The following SH3TC2 variants were observed in gnomAD, a reference collection of about 807,000 sequenced individuals.
The protein encoded by SH3TC2 is SH3 domain and tetratricopeptide repeat-containing protein 2.
SH3TC2 carries 87 observed loss-of-function variants against 124.5 expected under a neutral mutation model. That is an observed-to-expected ratio of 0.70 (90% CI 0.59 to 0.84). The LOEUF is 0.84. Ranked by LOEUF, SH3TC2 falls within the 40% of genes least tolerant of loss-of-function variation. The pLI is 0.00. For synonymous variants in SH3TC2, 634 were observed against 628.5 expected (o/e 1.01, Z -0.13); for missense variants, 1,536 against 1,566.4 (o/e 0.98, Z 0.33).
At position 149,028,164 on chromosome 5, in the gene SH3TC2, A is replaced by G. The variant is rs924888736; in HGVS notation, c.1568T>C (p.Met523Thr). ...ASRKWAKKSHMTWAHARLCFL... is the reference protein window; with the variant it reads ...ASRKWAKKSHTTWAHARLCFL... ...GCAGAGACGGGCATGGGCCCAGGTC[A>G]TGTGGCTCTTCTTGGCCCACTTTCT... The change falls in exon 11 of 17, where the codon ATG (methionine) becomes ACG (threonine). Residue 523 changes from methionine to threonine, a missense_variant. Physicochemically the swap from Met to Thr is moderately conservative, Grantham distance 81. Transcript: ENST00000515425. 10 of 1,614,120 alleles carry G rather than the reference A, an allele frequency of 6.2e-6. No homozygotes were observed. Among genetic ancestry groups the G allele is most frequent in the Non-Finnish European group, 8.5e-6 (10 of 1,180,028 alleles).
chr5:149,040,708 C>G lies in SH3TC2; in HGVS notation c.732-31G>C, dbSNP rs757804186. The G allele has an allele frequency of 2.5e-6, 4 of 1,594,010 alleles. No individual in the cohort carries two copies. The Admixed American group carries it at 6.7e-5, about 27-fold the overall frequency. On this transcript the variant is annotated intron_variant, in intron 6 of 16. Transcript: ENST00000515425. ...AATGAAAACATGGGGTTTGCAAACA[C>G]AGATTTCAAAAAATTGCAACAATGA...
intron 12 of SH3TC2, 88 bp downstream of exon 12, chr5:149,026,484 C>T: frequency 3.3e-6 from 5 of 1,523,970 alleles, no homozygotes; most frequent in Non-Finnish European, 1.8e-6. Flanking sequence ...ATACCATGTA[C>T]ATTTGGACTT....
chr5:149,061,348 G>C (rs186050064), intron 1 of SH3TC2, among the ~76,000 whole-genome samples: 5 of 152,272 alleles, frequency 3.3e-5, no homozygotes, highest in African/African-American at 7.2e-5. Context: ...AACATGAGCA[G>C]AGCTCTCTGA....
chr5:149,049,548 C>T (rs1754521999), intron 2 of SH3TC2, among the ~76,000 whole-genome samples: 1 of 152,092 alleles, frequency 6.6e-6, no homozygotes, highest in Admixed American at 6.5e-5. Context: ...AGGAGGAGCA[C>T]TTAAGCTCAG....
Position 148,991,968 on chromosome 5 carries a change from G to A in SH3TC2, c.*12743C>T, listed in dbSNP as rs574992954. ...AGAGAGCAACCCTAACATGTGTTGGGTGACCATGGGTAAGGCTTTCCCTTT... is the reference window on the plus strand; with the variant it reads ...AGAGAGCAACCCTAACATGTGTTGGATGACCATGGGTAAGGCTTTCCCTTT... On this transcript the variant is annotated 3_prime_UTR_variant, in exon 17 of 17. Transcript: ENST00000515425. Among the ~76,000 whole-genome samples, 1 of 152,264 alleles carries A rather than the reference G, an allele frequency of 6.6e-6. No individual in the cohort carries two copies. The highest frequency in any genetic ancestry group is 2.1e-4 in the South Asian group (1 of 4,824).
rs1352522910 is a variant in SH3TC2 at position 149,002,033 on chromosome 5, GTA to G, written c.*2676_*2677del. On this transcript the variant is annotated 3_prime_UTR_variant, in exon 17 of 17. Coordinates refer to ENST00000515425, the MANE Select transcript of SH3TC2 (RefSeq NM_024577.4). ...CTGGGGAGAGGAAGAATCAAATTAAGTATAGTAACATCCCTCTGTACTCTTCA... is the reference window on the plus strand; with the variant it reads ...CTGGGGAGAGGAAGAATCAAATTAAGTAGTAACATCCCTCTGTACTCTTCA... 1 of 152,608 alleles carries G rather than the reference GTA, an allele frequency of 6.6e-6. No individual in the cohort carries two copies. The highest frequency in any genetic ancestry group is 2.4e-5 in the African/African-American group (1 of 41,462). The allele number at this position is 152,608 out of a possible 1,614,324, so 9.5% of individuals were successfully genotyped here.
chr5:149,031,685 C>T lies in SH3TC2; in HGVS notation c.1004G>A (p.Ser335Asn), dbSNP rs748091035. ...ATCACTGAGAAAGGCAGAGTTCCTG[C>T]TCCTGCATCGGGGCAAAAAACACAG... ...NIDPDSYSPM[S>N]RNSAFLSDEE... The change falls in exon 9 of 17, where the codon AGC becomes AAC. Residue 335 changes from serine to asparagine, a missense_variant and splice_region_variant. This residue lies in a region of SH3TC2 where 1,102 missense variants were observed against 1,098.6 expected (regional missense o/e 1.00). Transcript: ENST00000515425. 3.1e-6 allele frequency: 5 copies of T among 1,614,110 alleles called. No homozygotes were observed. The highest frequency in any genetic ancestry group is 2.2e-5 in the East Asian group (1 of 44,866).
At position 148,996,801 on chromosome 5, in the gene SH3TC2, G is replaced by A. The variant is rs1753516258; in HGVS notation, c.*7910C>T. ...CGTGCAAGGAAGATCAAGTAGCTGA[G>A]AGTCATACAGATCATGTTTAACTAT... On this transcript the variant is annotated 3_prime_UTR_variant, in exon 17 of 17. Coordinates refer to ENST00000515425, the MANE Select transcript of SH3TC2 (RefSeq NM_024577.4). 6.6e-6 allele frequency among the ~76,000 whole-genome samples: 1 copy of A among 152,162 alleles called. No homozygotes were observed. Among genetic ancestry groups the A allele is most frequent in the South Asian group, 2.1e-4 (1 of 4,832 alleles).
chr5:149,042,803 A>G lies in SH3TC2; in HGVS notation c.420T>C (p.Phe140=). 2 of 1,614,198 alleles carry G rather than the reference A, an allele frequency of 1.2e-6. No homozygotes were observed. Among genetic ancestry groups the G allele is most frequent in the Non-Finnish European group, 1.7e-6 (2 of 1,180,026 alleles). The part of the protein sequence containing the change: ...YVSMCLEHLL[F]DHKYWLNCIL... ...TGCAGTTGAGCCAGTACTTGTGGTC[A>G]AAGAGGAGATGTTCTAGACACATGG... The change falls in exon 5 of 17, where the codon TTT becomes TTC. Residue 140 remains phenylalanine (F), a synonymous_variant. Coordinates refer to ENST00000515425, the MANE Select transcript of SH3TC2 (RefSeq NM_024577.4).
At chr5:149,031,288 G>A (rs1490315168) in intron 9 of SH3TC2, among the ~76,000 whole-genome samples, 1 of 152,160 alleles carries the variant, frequency 6.6e-6, no homozygotes, top group Non-Finnish European at 1.5e-5. Context: ...GATTAGGAGG[G>A]AAGACCCAGT....
chr5:149,026,156 G>C, intron 12 of SH3TC2: 1 of 189,112 alleles, frequency 5.3e-6, no homozygotes, highest in Non-Finnish European at 1.1e-5. Flanking sequence ...TTCTGTCCTT[G>C]GTATAACTGC....
rs541004497 is a variant in SH3TC2, at chr5:149,021,085, T to C, written c.3053+5487A>G. On this transcript the variant is annotated intron_variant, in intron 12 of 16. Coordinates refer to ENST00000515425, the MANE Select transcript of SH3TC2 (RefSeq NM_024577.4). The stretch of plus-strand genomic sequence containing the variant: ...AAAAAGAATAAAATCATGCAAAGTT[T>C]GTTTTCCCACCACAAAGAAATGAAA... 7.2e-5 allele frequency among the ~76,000 whole-genome samples: 11 copies of C among 152,284 alleles called. No homozygotes were observed. In the South Asian group the frequency reaches 2.1e-3, roughly 29 times the overall value.
rs1753339081 is a variant in SH3TC2 at position 148,986,777 on chromosome 5, A to G, written c.*17934T>C. 6.6e-6 allele frequency among the ~76,000 whole-genome samples: 1 copy of G among 152,166 alleles called. No homozygotes were observed. The highest frequency in any genetic ancestry group is 1.5e-5 in the Non-Finnish European group (1 of 68,036). ...ACCAAATGTGACGAGCCTAAATCCC[A>G]TTCCCATGCTGTAATCTCCCAGTCC... On this transcript the variant is annotated 3_prime_UTR_variant, in exon 17 of 17. Coordinates refer to ENST00000515425, the MANE Select transcript of SH3TC2 (RefSeq NM_024577.4).
chr5:149,043,794 T>G (rs1207268874), intron 4 of SH3TC2: 1 of 152,650 alleles, frequency 6.6e-6, no homozygotes, highest in Non-Finnish European at 1.5e-5. Flanking sequence ...AAGATACACC[T>G]TATGTTTTCC....
intron 1 of SH3TC2, among the ~76,000 whole-genome samples, chr5:149,055,494 G>GA (rs138389134): frequency 0.032 from 4,657 of 145,674 alleles, 289 homozygotes; most frequent in Admixed American, 0.16. Flanking sequence ...TGGCTAAAAT[G>GA]AAAAAAAAAA....
At chr5:149,041,758 T>A in intron 5 of SH3TC2, 141 bp from the exon 6 acceptor site, 1 of 891,158 alleles carries the variant, frequency 1.1e-6, no homozygotes, top group Non-Finnish European at 1.8e-6. Flanking sequence ...GGGGAGACAC[T>A]AAAAGAGGCC....
chr5:148,989,446 A>G lies in SH3TC2; in HGVS notation c.*15265T>C, dbSNP rs189204132. On this transcript the variant is annotated 3_prime_UTR_variant, in exon 17 of 17. Coordinates refer to ENST00000515425, the MANE Select transcript of SH3TC2 (RefSeq NM_024577.4). ...ACCAGCATAAATATGGCTGAGGAAT[A>G]TCTGAATTCATTCACATCCAGAAAT... Among the ~76,000 whole-genome samples, 9 of 152,346 alleles carry G rather than the reference A, an allele frequency of 5.9e-5. No homozygotes were observed. In the East Asian group the frequency reaches 1.7e-3, roughly 29 times the overall value.
At chr5:149,015,423 G>A (rs1379053796) in intron 12 of SH3TC2, among the ~76,000 whole-genome samples, 1 of 152,188 alleles carries the variant, frequency 6.6e-6, no homozygotes, top group African/African-American at 2.4e-5. Context: ...AATTCCTCCA[G>A]CCGCCACCCA....
chr5:149,062,233 A>G, intron 1 of SH3TC2: 1 of 432,208 alleles, frequency 2.3e-6, no homozygotes, highest in Non-Finnish European at 4.7e-6. Flanking sequence ...ATTTCCCCAA[A>G]GCCACCACTC....
Sources: allele counts gnomAD v4.1 joint callset (sites outside exome capture counted in the v4.1 genomes callset), GRCh38; gene constraint gnomAD v4.1.1; regional missense constraint gnomAD v4.1.1; transcripts MANE v1.5; gene names NCBI Gene and HGNC (gene_info 2026-07-23, HGNC 2026-07-21).